The following THUMPD2 variants were observed in gnomAD, a reference collection of about 807,000 sequenced individuals.
The protein encoded by THUMPD2 is U6 snRNA (guanine-N(2))-methyltransferase THUMPD2.
A neutral mutation model predicts 49.4 loss-of-function variants in THUMPD2; 56 were observed. The observed-to-expected ratio is 1.13, with a 90% CI of 0.91 to 1.41. The LOEUF (loss-of-function observed/expected upper bound fraction) is 1.41, where lower values mean the gene tolerates loss of function less well. Ranked by LOEUF, THUMPD2 falls within the 40% of genes most tolerant of loss-of-function variation. THUMPD2 has a pLI of 0.00. For missense variants in THUMPD2, 709 were observed against 594.5 expected, an observed-to-expected ratio of 1.19 and a Z score of -2.00; for synonymous variants, 237 against 205.2, an observed-to-expected ratio of 1.15 and a Z score of -1.32.
chr2:39,754,394 T>A (rs1675825990), intron 8 of THUMPD2, among the ~76,000 whole-genome samples: 1 of 151,780 alleles, frequency 6.6e-6, no homozygotes, highest in African/African-American at 2.4e-5. Flanking sequence ...GGATGCTTTA[T>A]TATGCTTTTA....
intron 1 of THUMPD2, among the ~76,000 whole-genome samples, chr2:39,773,098 A>C (rs1156303513): frequency 2.0e-5 from 3 of 152,210 alleles, no homozygotes; most frequent in African/African-American, 4.8e-5. Flanking sequence ...AGTAACCAAA[A>C]CCAGAACTTC....
intron 4 of THUMPD2, among the ~76,000 whole-genome samples, chr2:39,766,844 T>A (rs1406303665): frequency 1.3e-5 from 2 of 149,810 alleles, no homozygotes; most frequent in African/African-American, 4.8e-5. Context: ...AGAAAAGACT[T>A]ACCTGGAGTG....
rs1459835112 is a variant in THUMPD2, at chr2:39,736,690, A to G, written c.*45T>C. ...TAGAGACAGCAAACTTCTGCTGTAC[A>G]GCTAACTTACAAGGGCCTGAACCCG... On this transcript the variant is annotated 3_prime_UTR_variant, in exon 10 of 10. Coordinates refer to ENST00000505747, the MANE Select transcript of THUMPD2 (RefSeq NM_025264.5). 3 of 1,541,674 alleles carry G rather than the reference A, an allele frequency of 1.9e-6. No homozygotes were observed. Among genetic ancestry groups the G allele is most frequent in the East Asian group, 2.3e-5 (1 of 43,302 alleles).
At chr2:39,758,224 T>C (rs907786761) in intron 6 of THUMPD2, among the ~76,000 whole-genome samples, 1 of 152,144 alleles carries the variant, frequency 6.6e-6, no homozygotes, top group African/African-American at 2.4e-5. Context: ...CACTGGCAGT[T>C]TGGGAAAAAA....
intron 2 of THUMPD2, among the ~76,000 whole-genome samples, chr2:39,770,943 T>C (rs1394675679): frequency 6.6e-6 from 1 of 152,148 alleles, no homozygotes; most frequent in Non-Finnish European, 1.5e-5. Context: ...TTTGCTGCTT[T>C]TATCAAGATC....
rs1679535365 is a variant in THUMPD2, at chr2:39,779,192, G to A, written c.48C>T (p.Ala16=). ...GEPGSGPEAG[A]RFFCTAGRGL... is the part of the protein sequence containing the mutation. ...CGCGACCCGCAGTGCAGAAGAATCG[G>A]GCGCCAGCCTCAGGCCCGGACCCTG... The change falls in exon 1 of 10, where the codon GCC becomes GCT. Residue 16 remains alanine, a synonymous_variant. Coordinates refer to ENST00000505747, the MANE Select transcript of THUMPD2 (RefSeq NM_025264.5). 3 of 1,518,094 alleles carry A rather than the reference G, an allele frequency of 2.0e-6. No homozygotes were observed. In the South Asian group the frequency reaches 3.7e-5, roughly 19 times the overall value. The allele number at this position is 1,518,094 out of a possible 1,614,324, so 94.0% of individuals were successfully genotyped here.
At chr2:39,756,427 C>T (rs796969400) in intron 6 of THUMPD2, among the ~76,000 whole-genome samples, 2 of 150,512 alleles carry the variant, frequency 1.3e-5, no homozygotes, top group South Asian at 2.1e-4. Context: ...GAGCAGAGAT[C>T]GCGCCCCTGC....
chr2:39,772,641 C>T (rs1678486011), intron 1 of THUMPD2, among the ~76,000 whole-genome samples: 3 of 152,280 alleles, frequency 2.0e-5, no homozygotes, highest in South Asian at 2.1e-4. Flanking sequence ...TGCTCAATAC[C>T]AGTGGAATCT....
intron 9 of THUMPD2, among the ~76,000 whole-genome samples, chr2:39,737,971 A>G (rs1342718630): frequency 6.6e-6 from 1 of 152,150 alleles, no homozygotes; most frequent in African/African-American, 2.4e-5. Flanking sequence ...TACCTAAGGA[A>G]CACATAAGTG....
chr2:39,761,595 C>T (rs938954668), intron 5 of THUMPD2, among the ~76,000 whole-genome samples, 177 bp from the exon 6 acceptor site: 1 of 152,156 alleles, frequency 6.6e-6, no homozygotes, highest in African/African-American at 2.4e-5. Flanking sequence ...CTAATGGGCA[C>T]CTTGTCTACC....
At chr2:39,770,438 G>T (rs1236425676) in intron 2 of THUMPD2, among the ~76,000 whole-genome samples, 3 of 152,002 alleles carry the variant, frequency 2.0e-5, no homozygotes, top group African/African-American at 7.2e-5. Flanking sequence ...GACCTAGAGT[G>T]TTTATCAATC....
intron 6 of THUMPD2, chr2:39,757,230 G>A (rs1676260184): frequency 4.3e-6 from 2 of 464,600 alleles, no homozygotes; most frequent in Admixed American, 2.7e-5. Flanking sequence ...GGGCAAGGAG[G>A]AGCAAGCAGG....
At chr2:39,766,157 C>A (rs767345662) in intron 4 of THUMPD2, 48 bp from the exon 5 acceptor site, 2 of 1,345,146 alleles carry the variant, frequency 1.5e-6, no homozygotes, top group Middle Eastern at 1.8e-4. Flanking sequence ...AACTTCATTA[C>A]CAAATTACTG....
At chr2:39,760,304 C>T (rs576235207) in intron 6 of THUMPD2, among the ~76,000 whole-genome samples, 186 of 152,076 alleles carry the variant, frequency 1.2e-3, no homozygotes, top group Admixed American at 2.8e-3. Flanking sequence ...TTGGTAAAAA[C>T]GGTGTGTCTT....
intron 1 of THUMPD2, among the ~76,000 whole-genome samples, chr2:39,778,292 G>T (rs1316247274): frequency 2.6e-5 from 4 of 152,202 alleles, no homozygotes; most frequent in African/African-American, 9.6e-5. Context: ...TAAATTCTGT[G>T]ACCCAAAACA....
chr2:39,736,667 G>A lies in THUMPD2; in HGVS notation c.*68C>T. The A allele has an allele frequency of 7.0e-7, 1 of 1,425,984 alleles. No homozygotes were observed. The highest frequency in any genetic ancestry group is 9.4e-7 in the Non-Finnish European group (1 of 1,059,456). The allele number at this position is 1,425,984 out of a possible 1,614,324, so 88.3% of individuals were successfully genotyped here. A position where few individuals can be genotyped will look rare whatever the true frequency, so the allele number is the denominator to read the frequency against. ...CTCTGTGGGTGCTATATGAATCCTA[G>A]AGACAGCAAACTTCTGCTGTACAGC... On this transcript the variant is annotated 3_prime_UTR_variant, in exon 10 of 10. Coordinates refer to ENST00000505747, the MANE Select transcript of THUMPD2 (RefSeq NM_025264.5).
intron 6 of THUMPD2, 136 bp downstream of exon 6, chr2:39,761,195 C>G: frequency 1.4e-6 from 1 of 717,408 alleles, no homozygotes; most frequent in East Asian, 2.6e-5. Context: ...AGTACAATGG[C>G]AAAAAGAAAA....
chr2:39,768,315 T>C, intron 4 of THUMPD2, 109 bp downstream of exon 4: 4 of 918,954 alleles, frequency 4.4e-6, no homozygotes, highest in Non-Finnish European at 3.5e-6. Flanking sequence ...TCCCTGTAGA[T>C]ACACTTTTTA....
At chr2:39,755,173 G>C (rs1008834033) in intron 8 of THUMPD2, 122 bp downstream of exon 8, 2 of 568,428 alleles carry the variant, frequency 3.5e-6, no homozygotes, top group Non-Finnish European at 6.0e-6. Flanking sequence ...CTGAGTATTA[G>C]TCCCACAGAT....
Sources: allele counts gnomAD v4.1 joint callset (sites outside exome capture counted in the v4.1 genomes callset), GRCh38; gene constraint gnomAD v4.1.1; transcripts MANE v1.5; gene names NCBI Gene and HGNC (gene_info 2026-07-23, HGNC 2026-07-21).